LRP8: variants seen among roughly 807,000 people sequenced by gnomAD.
LRP8 encodes the protein low-density lipoprotein receptor-related protein 8.
Under a neutral mutation model 111.6 loss-of-function variants are expected in LRP8, and 46 were observed. The ratio of observed to expected loss-of-function variants is 0.41; its 90% CI spans 0.33 to 0.53. LRP8 has a LOEUF of 0.53. Ranked by LOEUF, LRP8 falls within the 20% of genes least tolerant of loss-of-function variation. The probability of loss-of-function intolerance (pLI) is 0.20; values close to 1 mark genes in which losing one functional copy is unlikely to be tolerated. For missense variants in LRP8, 959 were observed against 1,297.4 expected, an observed-to-expected ratio of 0.74 and a Z score of 4.01; for synonymous variants, 464 against 511.2, an observed-to-expected ratio of 0.91 and a Z score of 1.24.
At chr1:53,302,471 G>A (rs1008490290) in intron 2 of LRP8, among the ~76,000 whole-genome samples, 3 of 152,152 alleles carry the variant, frequency 2.0e-5, no homozygotes, top group African/African-American at 7.2e-5. Context: ...CTGAGGCCCA[G>A]AGAGGGGAGA....
intron 8 of LRP8, chr1:53,268,041 CTG>C (rs1381073603): frequency 1.3e-5 from 2 of 152,440 alleles, no homozygotes; most frequent in Non-Finnish European, 2.9e-5. Context: ...GGTGTGTGAC[CTG>C]TGTGTAGTGA....
intron 4 of LRP8, among the ~76,000 whole-genome samples, chr1:53,278,245 G>A (rs561149043): frequency 1.3e-5 from 2 of 152,264 alleles, no homozygotes; most frequent in African/African-American, 4.8e-5. Context: ...CCTTCCTGGA[G>A]TTTTTCCAGC....
intron 2 of LRP8, among the ~76,000 whole-genome samples, chr1:53,296,495 C>A (rs141883102): frequency 1.8e-4 from 28 of 152,348 alleles, no homozygotes; most frequent in African/African-American, 5.8e-4. Flanking sequence ...GAAAGGGCTG[C>A]TCCCACCAAC....
At chr1:53,323,321 C>T (rs564930478) in intron 2 of LRP8, among the ~76,000 whole-genome samples, 1 of 152,162 alleles carries the variant, frequency 6.6e-6, no homozygotes, top group East Asian at 1.9e-4. Flanking sequence ...AATAGAGGAA[C>T]GAGGGGCGAT....
chr1:53,325,371 A>G (rs919877295), intron 2 of LRP8, among the ~76,000 whole-genome samples: 1 of 152,198 alleles, frequency 6.6e-6, no homozygotes, highest in Non-Finnish European at 1.5e-5. Context: ...ATGAAGATTA[A>G]AGGAGTTTAT....
At chr1:53,298,014 T>C (rs1465545758) in intron 2 of LRP8, among the ~76,000 whole-genome samples, 2 of 152,176 alleles carry the variant, frequency 1.3e-5, no homozygotes, top group African/African-American at 4.8e-5. Flanking sequence ...AACACATCTC[T>C]AAGGGCCCCC....
chr1:53,262,373 C>T lies in LRP8; in HGVS notation c.1774+73G>A. 1 of 1,539,268 alleles carries T rather than the reference C, an allele frequency of 6.5e-7. No individual in the cohort carries two copies. Among genetic ancestry groups the T allele is most frequent in the Non-Finnish European group, 9.0e-7 (1 of 1,116,236 alleles). ...ACCATGAGAGGACCCAGAAACAAGA[C>T]TCATGGAGTTCCAGACAGTGATCAG... On this transcript the variant is annotated intron_variant, in intron 11 of 18. Coordinates refer to ENST00000306052, the MANE Select transcript of LRP8 (RefSeq NM_004631.5). This position sits in a 1 kb window ranked among gnomAD's most constrained non-coding sequence, Gnocchi z 4.8.
chr1:53,285,391 C>T (rs1647392016), intron 3 of LRP8, among the ~76,000 whole-genome samples: 1 of 152,104 alleles, frequency 6.6e-6, no homozygotes, highest in Admixed American at 6.5e-5. Flanking sequence ...TAACTGAAGC[C>T]CAAGGGCCCC....
At chr1:53,288,638 C>T (rs1017639537) in intron 3 of LRP8, among the ~76,000 whole-genome samples, 3 of 152,082 alleles carry the variant, frequency 2.0e-5, no homozygotes, top group Non-Finnish European at 4.4e-5. Flanking sequence ...AGATGGGACT[C>T]CGGTCTCCAT....
At chr1:53,265,107 G>A (rs1008164136) in intron 9 of LRP8, among the ~76,000 whole-genome samples, 1 of 152,188 alleles carries the variant, frequency 6.6e-6, no homozygotes, top group Non-Finnish European at 1.5e-5. Flanking sequence ...GAGATTAAGA[G>A]AGTCTGAAGA....
Position 53,311,078 on chromosome 1 carries a change from T to C in LRP8, c.244+15795A>G, listed in dbSNP as rs916231405. On this transcript the variant is annotated intron_variant, in intron 2 of 18. Coordinates refer to ENST00000306052, the MANE Select transcript of LRP8 (RefSeq NM_004631.5). ...TGAGGGCTGAGCTCCAGCCAGCAGA[T>C]GCAAGACCCAGACCCCAGCCTGCTC... is the stretch of plus-strand genomic sequence containing the variant. 5.3e-5 allele frequency among the ~76,000 whole-genome samples: 8 copies of C among 152,236 alleles called. No individual in the cohort carries two copies. In the South Asian group the frequency reaches 1.7e-3, roughly 32 times the overall value.
intron 4 of LRP8, 79 bp downstream of exon 4, chr1:53,280,508 C>T: frequency 1.3e-6 from 2 of 1,559,106 alleles, no homozygotes; most frequent in Admixed American, 1.7e-5. Flanking sequence ...AACTGGGCCC[C>T]CTCCCCAGAA....
chr1:53,253,843 C>T (rs1645980017), intron 16 of LRP8, among the ~76,000 whole-genome samples: 1 of 152,222 alleles, frequency 6.6e-6, no homozygotes, highest in Non-Finnish European at 1.5e-5. Flanking sequence ...CATTGTTCCT[C>T]TGTCTCTATC....
intron 3 of LRP8, among the ~76,000 whole-genome samples, chr1:53,282,965 C>G (rs909094855): frequency 1.3e-5 from 2 of 152,090 alleles, no homozygotes; most frequent in Non-Finnish European, 2.9e-5. Context: ...GGAGGGGAGT[C>G]CCAGTTTTTG....
Position 53,276,688 on chromosome 1 carries a change from T to C in LRP8, c.883+4A>G. 6.5e-7 allele frequency: 1 copy of C among 1,538,744 alleles called. No individual in the cohort carries two copies. The highest frequency in any genetic ancestry group is 8.7e-7 in the Non-Finnish European group (1 of 1,146,468). On this transcript the variant is annotated splice_donor_region_variant and intron_variant, in intron 5 of 18. Transcript: ENST00000306052. Reference sequence around the variant, plus strand: ...CGGGGCTGGGCGGTATGGAGGGGGCTTACGGCAGTCGGCCTCGTCCGATTT... The same window carrying C: ...CGGGGCTGGGCGGTATGGAGGGGGCCTACGGCAGTCGGCCTCGTCCGATTT...
At chr1:53,248,941 A>C (rs1645808958) in intron 18 of LRP8, among the ~76,000 whole-genome samples, 1 of 152,248 alleles carries the variant, frequency 6.6e-6, no homozygotes, top group Admixed American at 6.5e-5. Context: ...AACAGTGAGC[A>C]GAAAGAAGTG....
intron 4 of LRP8, among the ~76,000 whole-genome samples, chr1:53,278,262 T>G (rs1242027696): frequency 6.6e-6 from 1 of 152,168 alleles, no homozygotes; most frequent in Non-Finnish European, 1.5e-5. Flanking sequence ...CAGCTGTTTT[T>G]CAGGGCAGTG....
At chr1:53,264,715 G>A (rs749680752) in intron 9 of LRP8, among the ~76,000 whole-genome samples, 16 of 152,212 alleles carry the variant, frequency 1.1e-4, no homozygotes. Context: ...TCATCCGAGA[G>A]GGCGGGAGAA....
Position 53,275,895 on chromosome 1 carries a change from G to A in LRP8, c.884-142C>T. The A allele has an allele frequency of 9.7e-7, 1 of 1,032,670 alleles. No individual in the cohort carries two copies. Among genetic ancestry groups the A allele is most frequent in the Non-Finnish European group, 1.4e-6 (1 of 717,012 alleles). The allele number at this position is 1,032,670 out of a possible 1,614,324, so 64.0% of individuals were successfully genotyped here. ...ACTCAGGAGTCCTCAAAGGACACCT[G>A]GCCAAGGCACCTCAGTGTACAGATG... On this transcript the variant is annotated intron_variant, in intron 5 of 18. Coordinates refer to ENST00000306052, the MANE Select transcript of LRP8 (RefSeq NM_004631.5). The surrounding 1 kb of genome is among the most constrained non-coding windows in gnomAD (Gnocchi z 4.4).
Sources: gnomAD v4.1 joint callset for allele counts (sites outside exome capture counted in the v4.1 genomes callset) on GRCh38, gnomAD v4.1.1 for gene constraint, Gnocchi (gnomAD v3.1) non-coding constraint, MANE v1.5 for transcripts, NCBI Gene and HGNC (gene_info 2026-07-23, HGNC 2026-07-21) for gene names.